CCDC148: variants seen among roughly 807,000 people sequenced by gnomAD.
CCDC148 encodes the protein coiled-coil domain-containing protein 148.
A neutral mutation model predicts 85.7 loss-of-function variants in CCDC148; 89 were observed. That is an observed-to-expected ratio of 1.04 (90% CI 0.87 to 1.24). The LOEUF is 1.24. Ranked by LOEUF, CCDC148 falls within the 50% of genes most tolerant of loss-of-function variation. CCDC148 has a pLI of 0.00. For synonymous variants in CCDC148, 230 were observed against 213.9 expected (o/e 1.08, Z -0.66); for missense variants, 692 against 671.7 (o/e 1.03, Z -0.33).
chr2:158,268,119 T>A (rs551201791), intron 9 of CCDC148, among the ~76,000 whole-genome samples: 1 of 152,328 alleles, frequency 6.6e-6, no homozygotes, highest in African/African-American at 2.4e-5. Context: ...ATCAGTAGCA[T>A]TGCTGAGTCG....
intron 1 of CCDC148, among the ~76,000 whole-genome samples, chr2:158,392,253 A>C (rs1026311566): frequency 3.4e-4 from 52 of 152,274 alleles, no homozygotes; most frequent in African/African-American, 1.2e-3. Context: ...TTGAGCTACA[A>C]AGATGAAAAC....
chr2:158,259,733 G>A (rs1476694781), intron 9 of CCDC148, among the ~76,000 whole-genome samples: 1 of 151,874 alleles, frequency 6.6e-6, no homozygotes, highest in East Asian at 1.9e-4. Flanking sequence ...CTTTCAAGGT[G>A]TATTTGGATG....
chr2:158,325,481 G>A (rs1175376045), intron 7 of CCDC148, among the ~76,000 whole-genome samples: 2 of 152,046 alleles, frequency 1.3e-5, no homozygotes, highest in Non-Finnish European at 2.9e-5. Context: ...CAGGCCTAAG[G>A]GATCAGTCTT....
chr2:158,199,496 T>A (rs1685844341), intron 11 of CCDC148, among the ~76,000 whole-genome samples: 2 of 152,160 alleles, frequency 1.3e-5, no homozygotes. Context: ...CCACCCACCT[T>A]GGCCTCCCAA....
chr2:158,327,840 G>C (rs762160852), intron 7 of CCDC148, among the ~76,000 whole-genome samples: 7 of 151,930 alleles, frequency 4.6e-5, no homozygotes, highest in Admixed American at 1.3e-4. Flanking sequence ...TTTTCCTATA[G>C]TACAGATCTT....
rs147624024 is a variant in CCDC148, at chr2:158,208,639, G to A, written c.1370+11956C>T. ...GGGAGGAGGCACGCCATGAGGTCCA[G>A]TAGTCATGGTTAAACTTAAGAGGAT... is the stretch of plus-strand genomic sequence containing the variant. On this transcript the variant is annotated intron_variant, in intron 11 of 13. Transcript: ENST00000283233. Among the ~76,000 whole-genome samples, 48 of 152,302 alleles carry A rather than the reference G, an allele frequency of 3.2e-4. No homozygotes were observed. In the East Asian group the frequency reaches 8.1e-3, roughly 26 times the overall value.
intron 9 of CCDC148, among the ~76,000 whole-genome samples, chr2:158,295,144 G>A (rs930256969): frequency 5.9e-5 from 9 of 151,948 alleles, no homozygotes; most frequent in African/African-American, 1.5e-4. Context: ...TAAATTCCTC[G>A]ACACATACAC....
At chr2:158,294,054 T>TTCCTTCCTTCCTTCCTTCCTTCCC (rs1559049889) in intron 9 of CCDC148, among the ~76,000 whole-genome samples, 5 of 95,868 alleles carry the variant, frequency 5.2e-5, no homozygotes, top group African/African-American at 2.0e-4. Flanking sequence ...CCTTCCTTCC[T>TTCCTTCCTTCCTTCCTTCCTTCCC]TCCTTCCTTC....
chr2:158,269,412 A>T (rs1574511849), intron 9 of CCDC148, among the ~76,000 whole-genome samples: 1 of 152,124 alleles, frequency 6.6e-6, no homozygotes, highest in South Asian at 2.1e-4. Flanking sequence ...CAGCAACTCA[A>T]CCTTATCTCA....
chr2:158,303,783 G>GA (rs1379252722), intron 9 of CCDC148, among the ~76,000 whole-genome samples: 2 of 152,162 alleles, frequency 1.3e-5, no homozygotes, highest in African/African-American at 4.8e-5. Context: ...CCCTTCTGAG[G>GA]AGGCTACATT....
chr2:158,258,719 C>T (rs996476232), intron 9 of CCDC148, among the ~76,000 whole-genome samples: 1 of 151,830 alleles, frequency 6.6e-6, no homozygotes, highest in Non-Finnish European at 1.5e-5. Context: ...TCCATAACCA[C>T]CACCCTAATT....
At chr2:158,357,826 C>G (rs572966352) in intron 2 of CCDC148, among the ~76,000 whole-genome samples, 11 of 152,242 alleles carry the variant, frequency 7.2e-5, no homozygotes, top group Non-Finnish European at 1.3e-4. Context: ...AATTACGTAA[C>G]AAGTTGCTTC....
At chr2:158,221,888 G>T (rs1253965858) in intron 10 of CCDC148, among the ~76,000 whole-genome samples, 5 of 150,714 alleles carry the variant, frequency 3.3e-5, no homozygotes, top group Non-Finnish European at 5.9e-5. Flanking sequence ...CCAAGATGGA[G>T]AGAGAGAGAG....
intron 11 of CCDC148, among the ~76,000 whole-genome samples, chr2:158,182,621 A>G (rs541794697): frequency 6.6e-6 from 1 of 152,248 alleles, no homozygotes; most frequent in African/African-American, 2.4e-5. Flanking sequence ...CCACAGTTGC[A>G]TTGGCTCCAA....
chr2:158,349,083 T>C (rs1210253771), intron 2 of CCDC148, among the ~76,000 whole-genome samples: 1 of 152,010 alleles, frequency 6.6e-6, no homozygotes, highest in Non-Finnish European at 1.5e-5. Context: ...TTGTGCATGA[T>C]CAATGACACA....
intron 11 of CCDC148, among the ~76,000 whole-genome samples, 170 bp from the exon 12 acceptor site, chr2:158,179,166 A>ATTTTTTTTTTTTTTTTTTTTTTTTTTTT (rs10699879): frequency 3.6e-5 from 3 of 82,824 alleles, no homozygotes; most frequent in African/African-American, 4.6e-5. Flanking sequence ...ATAAAATGCA[A>ATTTTTTTTTTTTTTTTTTTTTTTTTTTT]TTTTTTTTTT....
At chr2:158,343,594 G>C (rs114553460) in intron 3 of CCDC148, among the ~76,000 whole-genome samples, 1,801 of 152,268 alleles carry the variant, frequency 0.012, 20 homozygotes, top group South Asian at 0.034. Context: ...CCGCCTGCCT[G>C]AGATTCTTAA....
intron 1 of CCDC148, among the ~76,000 whole-genome samples, chr2:158,416,387 A>C (rs1233551597): frequency 6.6e-6 from 1 of 152,206 alleles, no homozygotes; most frequent in African/African-American, 2.4e-5. Flanking sequence ...TTCCAGTTTC[A>C]GATCATCTCT....
At chr2:158,227,813 T>C (rs972494354) in intron 10 of CCDC148, among the ~76,000 whole-genome samples, 4 of 152,178 alleles carry the variant, frequency 2.6e-5, no homozygotes, top group Non-Finnish European at 5.9e-5. Flanking sequence ...AGTTCAAGAT[T>C]GATTAAAGAC....
Sources: allele counts gnomAD v4.1 joint callset (sites outside exome capture counted in the v4.1 genomes callset), GRCh38; gene constraint gnomAD v4.1.1; transcripts MANE v1.5; gene names NCBI Gene and HGNC (gene_info 2026-07-23, HGNC 2026-07-21).